The following ULK4 variants were observed in gnomAD, a reference collection of about 807,000 sequenced individuals.
ULK4 encodes unc-51 like kinase 4.
ULK4 carries 133 observed loss-of-function variants against 160.6 expected under a neutral mutation model. The ratio of observed to expected loss-of-function variants is 0.83; its 90% confidence interval spans 0.72 to 0.96. ULK4 has a LOEUF of 0.96. ULK4 is among the 40% of genes least tolerant of loss of function. ULK4 has a pLI of 0.00. For missense variants in ULK4, 1,580 were observed against 1,499.5 expected (o/e 1.05, Z -0.89); for synonymous variants, 534 against 539.8 (o/e 0.99, Z 0.15).
intron 21 of ULK4, among the ~76,000 whole-genome samples, chr3:41,769,653 G>C (rs777572989): frequency 2.0e-5 from 3 of 152,024 alleles, no homozygotes; most frequent in Non-Finnish European, 4.4e-5. Flanking sequence ...CTAACTTAAA[G>C]ATGGTATAAT....
In ULK4 at chr3:41,439,493, T is replaced by C. The variant is rs530162407; in HGVS notation, c.3492+16004A>G. Among the ~76,000 whole-genome samples, 10 of 152,194 alleles carry C rather than the reference T, an allele frequency of 6.6e-5. No individual in the cohort carries two copies. The South Asian group carries it at 2.1e-3, about 32-fold the overall frequency. On this transcript the variant is annotated intron_variant, in intron 34 of 36. Coordinates refer to ENST00000301831, the MANE Select transcript of ULK4 (RefSeq NM_017886.4). ...TGAAAATAATAAAGCAAGCTAAAAA[T>C]GACTTATTTTTAACAGCTTTCTTGA...
intron 32 of ULK4, among the ~76,000 whole-genome samples, chr3:41,531,637 TTAA>T (rs2086323709): frequency 6.6e-6 from 1 of 152,206 alleles, no homozygotes; most frequent in Non-Finnish European, 1.5e-5. Flanking sequence ...TTACTATAAT[TTAA>T]ACTTTACTTG....
At chr3:41,539,035 G>GTTT (rs11425607) in intron 32 of ULK4, among the ~76,000 whole-genome samples, 8 of 139,932 alleles carry the variant, frequency 5.7e-5, no homozygotes, top group South Asian at 4.5e-4. Flanking sequence ...CTTTTTCTTA[G>GTTT]TTTTTTTTTT....
At chr3:41,643,975 A>C (rs1338468011) in intron 30 of ULK4, among the ~76,000 whole-genome samples, 4 of 152,248 alleles carry the variant, frequency 2.6e-5, no homozygotes, top group East Asian at 1.9e-4. Flanking sequence ...GAGTTCACTC[A>C]TGATTTGGCT....
At position 41,655,259 on chromosome 3, in the gene ULK4, C is replaced by T. The variant is rs537445117; in HGVS notation, c.3071+8348G>A. The stretch of plus-strand genomic sequence containing the variant: ...AGATGAAGCTGGAAACCATCATTCT[C>T]AGCAAACTATCGCAAGGACAAAAAA... On this transcript the variant is annotated intron_variant, in intron 30 of 36. Coordinates refer to ENST00000301831, the MANE Select transcript of ULK4 (RefSeq NM_017886.4). Among the ~76,000 whole-genome samples the T allele has an allele frequency of 2.0e-3, 300 of 151,522 alleles. 1 individual carries two copies. The highest frequency in any genetic ancestry group is 6.6e-3 in the African/African-American group (272 of 41,244).
intron 35 of ULK4, among the ~76,000 whole-genome samples, chr3:41,361,309 G>C (rs1287354112): frequency 6.6e-6 from 1 of 152,136 alleles, no homozygotes; most frequent in Non-Finnish European, 1.5e-5. Flanking sequence ...ATTTTAAATA[G>C]GAAATGGCAA....
At chr3:41,440,224 T>A (rs1275033917) in intron 34 of ULK4, among the ~76,000 whole-genome samples, 1 of 152,144 alleles carries the variant, frequency 6.6e-6, no homozygotes, top group East Asian at 1.9e-4. Context: ...CAGGGACCTC[T>A]AATACAATGG....
At position 41,872,910 on chromosome 3, in the gene ULK4, T is replaced by C. The variant is rs7633893; in HGVS notation, c.1656+10964A>G. Among the ~76,000 whole-genome samples the C allele has an allele frequency of 3.2e-3, 477 of 148,744 alleles. 1 individual carries two copies. Among genetic ancestry groups the C allele is most frequent in the African/African-American group, 0.011 (451 of 40,306 alleles). On this transcript the variant is annotated intron_variant, in intron 17 of 36. Transcript: ENST00000301831. ...TGGCTCATGCCTGTAATCCCAGCAA[T>C]TTGGGAGGCCAAGGCGGGTGGATCA...
chr3:41,249,262 C>G (rs2078700615), intron 36 of ULK4, among the ~76,000 whole-genome samples: 1 of 152,186 alleles, frequency 6.6e-6, no homozygotes, highest in South Asian at 2.1e-4. Context: ...TTCTCTCCCC[C>G]TGTTGATTCC....
At chr3:41,678,767 G>A (rs1442778028) in intron 29 of ULK4, among the ~76,000 whole-genome samples, 1 of 152,182 alleles carries the variant, frequency 6.6e-6, no homozygotes, top group Non-Finnish European at 1.5e-5. Flanking sequence ...CAAAAGTATT[G>A]TTTAAGGTCA....
At position 41,864,368 on chromosome 3, in the gene ULK4, G is replaced by C. The variant is rs565216107; in HGVS notation, c.1656+19506C>G. On this transcript the variant is annotated intron_variant, in intron 17 of 36. Coordinates refer to ENST00000301831, the MANE Select transcript of ULK4 (RefSeq NM_017886.4). ...GAACTGTTTTGTTTTGTTTTGTTTT[G>C]TTTTGTTTTGTTTTGTTTTGTTTTT... Among the ~76,000 whole-genome samples, 500 of 117,334 alleles carry C rather than the reference G, an allele frequency of 4.3e-3. 4 individuals are homozygous for C. Among genetic ancestry groups the C allele is most frequent in the Admixed American group, 9.3e-3 (112 of 12,006 alleles). 77.0% of individuals were successfully genotyped at this position (117,334 alleles called of 152,430 possible).
intron 32 of ULK4, among the ~76,000 whole-genome samples, chr3:41,480,854 G>C (rs1216440972): frequency 6.6e-6 from 1 of 152,056 alleles, no homozygotes; most frequent in Non-Finnish European, 1.5e-5. Flanking sequence ...AGAGTGAAGG[G>C]GGTAAGGCCT....
chr3:41,339,373 T>G (rs540982756), intron 35 of ULK4, among the ~76,000 whole-genome samples: 7 of 152,182 alleles, frequency 4.6e-5, no homozygotes, highest in African/African-American at 1.7e-4. Flanking sequence ...TGGAGTGCCA[T>G]GTGAAAAGCC....
chr3:41,816,123 T>G (rs888768407), intron 19 of ULK4, among the ~76,000 whole-genome samples: 2 of 151,790 alleles, frequency 1.3e-5, no homozygotes, highest in African/African-American at 4.8e-5. Context: ...GAGTCTTATA[T>G]ATACATATTA....
chr3:41,285,591 G>A (rs548011443), intron 35 of ULK4, among the ~76,000 whole-genome samples: 1 of 152,280 alleles, frequency 6.6e-6, no homozygotes, highest in African/African-American at 2.4e-5. Context: ...GACTTGGGGG[G>A]AAGGGTGAGA....
intron 36 of ULK4, among the ~76,000 whole-genome samples, chr3:41,248,646 A>C (rs756427776): frequency 3.9e-5 from 6 of 152,218 alleles, no homozygotes; most frequent in Non-Finnish European, 8.8e-5. Flanking sequence ...CAGGAAGCAG[A>C]TTTCATAGAA....
At chr3:41,738,483 T>A (rs935829410) in intron 22 of ULK4, among the ~76,000 whole-genome samples, 1 of 151,936 alleles carries the variant, frequency 6.6e-6, no homozygotes, top group Non-Finnish European at 1.5e-5. Context: ...ATCTGGGACA[T>A]CTTGACATCC....
At chr3:41,773,105 G>A (rs2039460267) in intron 21 of ULK4, among the ~76,000 whole-genome samples, 3 of 152,128 alleles carry the variant, frequency 2.0e-5, no homozygotes, top group Admixed American at 1.3e-4. Context: ...CAAACCCACA[G>A]CCAATATCAT....
At chr3:41,948,838 C>G (rs1700192587) in intron 2 of ULK4, among the ~76,000 whole-genome samples, 1 of 151,762 alleles carries the variant, frequency 6.6e-6, no homozygotes, top group East Asian at 1.9e-4. Flanking sequence ...AAGAGTAAAG[C>G]TTTTCCTCTA....
Sources: gnomAD v4.1 joint callset for allele counts (sites outside exome capture counted in the v4.1 genomes callset) on GRCh38, gnomAD v4.1.1 for gene constraint, MANE v1.5 for transcripts, NCBI Gene and HGNC (gene_info 2026-07-23, HGNC 2026-07-21) for gene names.